The following SMAGP variants were observed in gnomAD, a reference collection of about 807,000 sequenced individuals.
The protein encoded by SMAGP is small cell transmembrane and glycosylated protein.
In SMAGP, 7 loss-of-function variants were observed where a neutral mutation model predicts 10.1. The ratio of observed to expected loss-of-function variants is 0.70; its 90% confidence interval spans 0.40 to 1.31. The LOEUF (loss-of-function observed/expected upper bound fraction) is 1.31, where lower values mean the gene tolerates loss of function less well. Among genes scored for constraint, SMAGP ranks in the 50% most tolerant of loss-of-function variants. SMAGP has a pLI of 0.01. For missense variants in SMAGP, 113 were observed against 116.5 expected, an observed-to-expected ratio of 0.97 and a Z score of 0.14; for synonymous variants, 49 against 47.2, an observed-to-expected ratio of 1.04 and a Z score of -0.16.
chr12:51,269,331 G>C lies in SMAGP; in HGVS notation c.-38-15C>G. 1 of 1,606,752 alleles carries C rather than the reference G, an allele frequency of 6.2e-7. No individual in the cohort carries two copies. The highest frequency in any genetic ancestry group is 8.5e-7 in the Non-Finnish European group (1 of 1,173,450). On this transcript the variant is annotated splice_polypyrimidine_tract_variant and intron_variant, in intron 1 of 3. Coordinates refer to ENST00000603798, the MANE Select transcript of SMAGP (RefSeq NM_001031628.2). ...AAGAGGCAGATCTGTAGGAAGAGGG[G>C]CAAAGACAGGAATGTAGCGGGTGGG...
chr12:51,259,679 T>C (rs1222517215), intron 2 of SMAGP, among the ~76,000 whole-genome samples: 1 of 152,166 alleles, frequency 6.6e-6, no homozygotes, highest in Non-Finnish European at 1.5e-5. Context: ...CAGCAGGAGT[T>C]ACAGATAGGT....
chr12:51,269,084 G>A (rs540054862), intron 2 of SMAGP, among the ~76,000 whole-genome samples, 161 bp downstream of exon 2: 1 of 152,200 alleles, frequency 6.6e-6, no homozygotes, highest in Admixed American at 6.5e-5. Context: ...CCGTACTAAG[G>A]GGCACACTCT....
intron 2 of SMAGP, among the ~76,000 whole-genome samples, chr12:51,267,456 G>T (rs1172049712): frequency 6.7e-6 from 1 of 148,176 alleles, no homozygotes; most frequent in Non-Finnish European, 1.5e-5. Flanking sequence ...TGAAGCCTTT[G>T]CTGACCTATT....
chr12:51,256,243 T>C (rs571144908), intron 2 of SMAGP, among the ~76,000 whole-genome samples: 12 of 151,790 alleles, frequency 7.9e-5, no homozygotes, highest in Non-Finnish European at 1.6e-4. Context: ...GGGAACAAAT[T>C]TGGAAGAAAC....
Position 51,245,153 on chromosome 12 carries a change from T to TC in SMAGP, c.*787dup, listed in dbSNP as rs1448731092. The TC allele has an allele frequency of 6.6e-6, 1 of 152,106 alleles. No individual in the cohort carries two copies. The highest frequency in any genetic ancestry group is 2.4e-5 in the African/African-American group (1 of 41,420). 9.4% of individuals were successfully genotyped at this position (152,106 alleles called of 1,614,324 possible). A position where few individuals can be genotyped will look rare whatever the true frequency, so the allele number is the denominator to read the frequency against. The stretch of plus-strand genomic sequence containing the variant: ...TCCCAGGGTATGTTTCTAATGATGT[T>TC]CCCCTGGAACAAGCTTTCCTGCACC... On this transcript the variant is annotated 3_prime_UTR_variant, in exon 4 of 4. Transcript: ENST00000603798.
At chr12:51,255,499 C>T (rs1944876857) in intron 2 of SMAGP, among the ~76,000 whole-genome samples, 1 of 152,154 alleles carries the variant, frequency 6.6e-6, no homozygotes, top group Non-Finnish European at 1.5e-5. Flanking sequence ...GAGAGGAACC[C>T]CAATCCTGCC....
At chr12:51,252,284 C>T (rs750042301) in intron 2 of SMAGP, among the ~76,000 whole-genome samples, 2 of 150,288 alleles carry the variant, frequency 1.3e-5, no homozygotes, top group Non-Finnish European at 3.0e-5. Flanking sequence ...TTAGTAGAGA[C>T]GGGGTTTCAC....
In SMAGP at chr12:51,269,245, C is replaced by G; in HGVS notation, c.34G>C (p.Glu12Gln). ...GGGATTAGGAAAGGCCTTCACCTAC[C>G]TCTTGGAGAAGGAGTAGTCAGGAGG... Reference protein sequence around the residue: ...TSLLTTPSPREELMTTPILQP... With the variant: ...TSLLTTPSPRQELMTTPILQP... Residue 12 changes from glutamate (E) to glutamine (Q), a missense_variant and splice_region_variant, in exon 2 of 4, where the codon GAA (glutamate) becomes CAA (glutamine). Coordinates refer to ENST00000603798, the MANE Select transcript of SMAGP (RefSeq NM_001031628.2). 7 of 1,613,816 alleles carry G rather than the reference C, an allele frequency of 4.3e-6. No homozygotes were observed. The highest frequency in any genetic ancestry group is 5.9e-6 in the Non-Finnish European group (7 of 1,179,794).
chr12:51,269,337 A>G (rs2137314754), intron 1 of SMAGP, 21 bp from the exon 2 acceptor site: 2 of 1,603,412 alleles, frequency 1.2e-6, no homozygotes, highest in Non-Finnish European at 1.7e-6. Flanking sequence ...AGGGGCAAAG[A>G]CAGGAATGTA....
At chr12:51,246,218 C>G in intron 3 of SMAGP, 99 bp from the exon 4 acceptor site, 5 of 1,509,966 alleles carry the variant, frequency 3.3e-6, no homozygotes, top group Non-Finnish European at 4.5e-6. Flanking sequence ...CGTAAAGATC[C>G]TCTTGTTTTC....
At chr12:51,264,627 T>TAA (rs576531152) in intron 2 of SMAGP, among the ~76,000 whole-genome samples, 35 of 101,090 alleles carry the variant, frequency 3.5e-4, no homozygotes, top group African/African-American at 9.8e-4. Context: ...TCCCATCTCT[T>TAA]AAAAAAAAAA....
At chr12:51,248,428 ACACACACT>A (rs1222777164) in intron 2 of SMAGP, among the ~76,000 whole-genome samples, 49 of 104,516 alleles carry the variant, frequency 4.7e-4, no homozygotes, top group African/African-American at 1.7e-3. Flanking sequence ...ACACACACAC[ACACACACT>A]CTCTCTCTCT....
intron 2 of SMAGP, among the ~76,000 whole-genome samples, chr12:51,254,852 G>A (rs1944872093): frequency 6.6e-6 from 1 of 152,148 alleles, no homozygotes; most frequent in African/African-American, 2.4e-5. Context: ...GGCATGCTTG[G>A]CCTGTTAAAT....
chr12:51,254,739 G>T (rs1240224223), intron 2 of SMAGP, among the ~76,000 whole-genome samples: 1 of 152,128 alleles, frequency 6.6e-6, no homozygotes, highest in African/African-American at 2.4e-5. Flanking sequence ...AAGAAGGTAA[G>T]GGAGGCAGTC....
intron 2 of SMAGP, among the ~76,000 whole-genome samples, chr12:51,257,475 C>T (rs1032831607): frequency 6.6e-6 from 1 of 151,678 alleles, no homozygotes; most frequent in Non-Finnish European, 1.5e-5. Context: ...TTTGAGAGGC[C>T]GAGTGGGGAG....
At chr12:51,251,744 T>C (rs553301194) in intron 2 of SMAGP, among the ~76,000 whole-genome samples, 6 of 152,276 alleles carry the variant, frequency 3.9e-5, no homozygotes, top group Admixed American at 2.0e-4. Flanking sequence ...AGAAGTCATG[T>C]TGGTTTATAT....
At chr12:51,258,691 T>C (rs943378141) in intron 2 of SMAGP, among the ~76,000 whole-genome samples, 1 of 151,628 alleles carries the variant, frequency 6.6e-6, no homozygotes, top group Non-Finnish European at 1.5e-5. Flanking sequence ...GAGGCAGTAA[T>C]GGGTTGTTAA....
chr12:51,266,252 G>A (rs983348654), intron 2 of SMAGP, among the ~76,000 whole-genome samples: 10 of 152,124 alleles, frequency 6.6e-5, no homozygotes, highest in African/African-American at 9.7e-5. Flanking sequence ...TCTGAGTAGC[G>A]TGATGAAATC....
Position 51,270,294 on chromosome 12 carries a change from C to T in SMAGP, c.-77G>A, listed in dbSNP as rs917884626. The T allele has an allele frequency of 6.3e-6, 1 of 157,632 alleles. No individual in the cohort carries two copies. Among genetic ancestry groups the T allele is most frequent in the Non-Finnish European group, 1.4e-5 (1 of 71,686 alleles). The allele number at this position is 157,632 out of a possible 1,614,324, so 9.8% of individuals were successfully genotyped here. On this transcript the variant is annotated 5_prime_UTR_variant, in exon 1 of 4. Coordinates refer to ENST00000603798, the MANE Select transcript of SMAGP (RefSeq NM_001031628.2). The stretch of plus-strand genomic sequence containing the variant: ...CGGGCTGCTGGTGAAGGGCCGGCGC[C>T]GCTCCGCGCGTCCTTTTGAACTCAA...
Sources: gnomAD v4.1 joint callset for allele counts (sites outside exome capture counted in the v4.1 genomes callset) on GRCh38, gnomAD v4.1.1 for gene constraint, MANE v1.5 for transcripts, NCBI Gene and HGNC (gene_info 2026-07-23, HGNC 2026-07-21) for gene names.